Variants in DKK2 observed in about 807,000 individuals in gnomAD.
DKK2 encodes the protein dickkopf Wnt signaling pathway inhibitor 2, also known as dickkopf-related protein 2.
DKK2 carries 11 observed loss-of-function variants against 28.1 expected under a neutral mutation model. The observed-to-expected ratio is 0.39, with a 90% CI of 0.25 to 0.65. The LOEUF (loss-of-function observed/expected upper bound fraction) is 0.65. Ranked by LOEUF, DKK2 falls within the 30% of genes least tolerant of loss-of-function variation. The pLI, the probability that DKK2 is intolerant of heterozygous loss-of-function variation, is 0.47. For missense variants in DKK2, 326 were observed against 335.5 expected (o/e 0.97, Z 0.22); for synonymous variants, 135 against 126.5 (o/e 1.07, Z -0.45).
At chr4:106,997,054 T>C (rs1723282346) in intron 1 of DKK2, among the ~76,000 whole-genome samples, 1 of 152,148 alleles carries the variant, frequency 6.6e-6, no homozygotes, top group Non-Finnish European at 1.5e-5. Context: ...GAGAGTTCTA[T>C]AACTTAAAAT....
chr4:106,951,283 A>G (rs989898001), intron 1 of DKK2, among the ~76,000 whole-genome samples: 4 of 152,094 alleles, frequency 2.6e-5, no homozygotes, highest in African/African-American at 4.8e-5. Context: ...TTTCTCAAAA[A>G]ACAACAACAA....
intron 1 of DKK2, among the ~76,000 whole-genome samples, chr4:106,954,621 A>G (rs1350903606): frequency 6.6e-6 from 1 of 152,118 alleles, no homozygotes; most frequent in Non-Finnish European, 1.5e-5. Flanking sequence ...ACCCAGGTTC[A>G]AGAGATTCTC....
chr4:106,932,085 G>C (rs529162095), intron 1 of DKK2, among the ~76,000 whole-genome samples: 51 of 152,220 alleles, frequency 3.4e-4, no homozygotes, highest in African/African-American at 1.1e-3. Context: ...ATTGGAAGTT[G>C]AGGATCTGGA....
chr4:106,983,013 A>G (rs13109477), intron 1 of DKK2, among the ~76,000 whole-genome samples: 30,645 of 149,982 alleles, frequency 0.2, 3,371 homozygotes, highest in East Asian at 0.42. Context: ...AAAAAGAGAG[A>G]AAGGAAGGAA....
At chr4:106,947,067 C>G (rs903684710) in intron 1 of DKK2, among the ~76,000 whole-genome samples, 2 of 152,118 alleles carry the variant, frequency 1.3e-5, no homozygotes, top group African/African-American at 2.4e-5. Flanking sequence ...GTAGTCACAA[C>G]TCATTCAGGT....
chr4:106,967,383 C>T (rs1722798363), intron 1 of DKK2, among the ~76,000 whole-genome samples: 1 of 152,020 alleles, frequency 6.6e-6, no homozygotes, highest in Admixed American at 6.6e-5. Context: ...CTAGGAGTTA[C>T]CTAGTTGCAA....
In DKK2 at chr4:107,028,899, C is replaced by T. The variant is rs573967723; in HGVS notation, c.222+6471G>A. 6.6e-5 allele frequency among the ~76,000 whole-genome samples: 10 copies of T among 152,252 alleles called. No individual in the cohort carries two copies. In the East Asian group the frequency reaches 1.7e-3, roughly 26 times the overall value. On this transcript the variant is annotated intron_variant, in intron 1 of 3. Coordinates refer to ENST00000285311, the MANE Select transcript of DKK2 (RefSeq NM_014421.3). The stretch of plus-strand genomic sequence containing the variant: ...AAGATGAGGACAGGGGAGTTTGTTG[C>T]TGGTTTTGAAGAAAGAAGAGAGAAT...
rs538377389 is a variant in DKK2, at chr4:106,988,040, A to G, written c.222+47330T>C. Among the ~76,000 whole-genome samples the G allele has an allele frequency of 2.0e-5, 3 of 152,080 alleles. No homozygotes were observed. In the South Asian group the frequency reaches 6.2e-4, roughly 32 times the overall value. ...CCATCACGCCCGGCTAATTTTTTATATTTTTAATAGAGACAGGGTTTCACC... is the reference window on the plus strand; with the variant it reads ...CCATCACGCCCGGCTAATTTTTTATGTTTTTAATAGAGACAGGGTTTCACC... On this transcript the variant is annotated intron_variant, in intron 1 of 3. Coordinates refer to ENST00000285311, the MANE Select transcript of DKK2 (RefSeq NM_014421.3).
In DKK2 at chr4:106,925,787, G is replaced by A; in HGVS notation, c.373+12C>T. ...AGAAAGAGGCCCATTAACACTTAGT[G>A]AGATCTTTTACCATTATTGCAGCGG... On this transcript the variant is annotated intron_variant, in intron 2 of 3. Coordinates refer to ENST00000285311, the MANE Select transcript of DKK2 (RefSeq NM_014421.3). 2 of 1,602,388 alleles carry A rather than the reference G, an allele frequency of 1.2e-6. No individual in the cohort carries two copies. The highest frequency in any genetic ancestry group is 1.7e-6 in the Non-Finnish European group (2 of 1,175,186).
intron 1 of DKK2, among the ~76,000 whole-genome samples, chr4:106,996,674 C>T (rs1331264402): frequency 6.6e-6 from 1 of 152,146 alleles, no homozygotes; most frequent in Non-Finnish European, 1.5e-5. Context: ...TGAGGAAAAA[C>T]AGCTGCACAA....
chr4:106,972,667 G>A (rs1320501976), intron 1 of DKK2, among the ~76,000 whole-genome samples: 1 of 152,014 alleles, frequency 6.6e-6, no homozygotes, highest in Non-Finnish European at 1.5e-5. Flanking sequence ...AAAGTTCTTA[G>A]AACAGTGTCT....
intron 1 of DKK2, among the ~76,000 whole-genome samples, chr4:106,930,212 A>G (rs929152904): frequency 2.0e-4 from 30 of 152,328 alleles, no homozygotes; most frequent in African/African-American, 6.5e-4. Context: ...CATAATGAAA[A>G]TAATGATAAT....
At chr4:106,958,095 A>G (rs1722627858) in intron 1 of DKK2, among the ~76,000 whole-genome samples, 2 of 150,686 alleles carry the variant, frequency 1.3e-5, no homozygotes, top group Non-Finnish European at 1.5e-5. Context: ...GACCTACAAA[A>G]GAAATGATTG....
chr4:107,023,715 C>T (rs1723729351), intron 1 of DKK2, among the ~76,000 whole-genome samples: 2 of 151,948 alleles, frequency 1.3e-5, no homozygotes, highest in Non-Finnish European at 2.9e-5. Context: ...ATAGTGGAAG[C>T]TAGGGAAAGA....
intron 1 of DKK2, among the ~76,000 whole-genome samples, chr4:106,969,728 G>C (rs1214318407): frequency 6.6e-6 from 1 of 151,924 alleles, no homozygotes; most frequent in Admixed American, 6.6e-5. Context: ...AAAACTCTTT[G>C]GAATTAACTG....
At chr4:106,983,286 G>A (rs1723053911) in intron 1 of DKK2, among the ~76,000 whole-genome samples, 2 of 135,046 alleles carry the variant, frequency 1.5e-5, no homozygotes, top group African/African-American at 5.6e-5. Context: ...GAGAAAGAGA[G>A]AAGAAAGAAA....
chr4:107,030,263 T>A (rs909932237), intron 1 of DKK2, among the ~76,000 whole-genome samples: 9 of 152,070 alleles, frequency 5.9e-5, no homozygotes, highest in African/African-American at 2.2e-4. Context: ...GAGAAAAATA[T>A]GTTATTCTGC....
At chr4:106,999,028 T>C (rs1220003321) in intron 1 of DKK2, among the ~76,000 whole-genome samples, 9 of 152,184 alleles carry the variant, frequency 5.9e-5, no homozygotes, top group African/African-American at 2.2e-4. Context: ...GGACATTCTT[T>C]AGAAAAATAA....
At chr4:107,023,299 C>T (rs76410376) in intron 1 of DKK2, among the ~76,000 whole-genome samples, 3,723 of 152,038 alleles carry the variant, frequency 0.024, 62 homozygotes, top group Middle Eastern at 0.065. Flanking sequence ...TTTTGGAAAA[C>T]GATTTTAGCT....
Sources: gnomAD v4.1 joint callset for allele counts (sites outside exome capture counted in the v4.1 genomes callset) on GRCh38, gnomAD v4.1.1 for gene constraint, MANE v1.5 for transcripts, NCBI Gene and HGNC (gene_info 2026-07-23, HGNC 2026-07-21) for gene names.